Variants in TBL1X observed in about 807,000 individuals in gnomAD.
TBL1X encodes transducin beta like 1 X-linked.
A neutral mutation model predicts 50.7 loss-of-function variants in TBL1X; 10 were observed. The ratio of observed to expected loss-of-function variants is 0.20; its 90% CI spans 0.12 to 0.33. The LOEUF (loss-of-function observed/expected upper bound fraction) is 0.33. Ranked by LOEUF, TBL1X falls within the 10% of genes least tolerant of loss-of-function variation. The pLI, the probability that TBL1X is intolerant of heterozygous loss-of-function variation, is 1.00. For missense variants in TBL1X, 340 were observed against 504.4 expected (o/e 0.67, Z 3.12); for synonymous variants, 190 against 214.7 (o/e 0.88, Z 1.01).
In TBL1X at chrX:9,650,990, T is replaced by C. The variant is rs1446005040; in HGVS notation, c.-42-2555T>C. ...GTAATAATTTTGTGATACATTTATA[T>C]TGGGATTTGTAGCTGCCAGCCTTTT... On this transcript the variant is annotated intron_variant, in intron 3 of 17. Transcript: ENST00000645353. Among the ~76,000 whole-genome samples, 4 of 105,127 alleles carry C rather than the reference T, an allele frequency of 3.8e-5. No individual in the cohort carries two copies. In the East Asian group the frequency reaches 1.2e-3, roughly 32 times the overall value. 91.3% of individuals were successfully genotyped at this position (105,127 alleles called of 115,157 possible). A position where few individuals can be genotyped will look rare whatever the true frequency, so the allele number is the denominator to read the frequency against.
intron 7 of TBL1X, among the ~76,000 whole-genome samples, chrX:9,691,015 G>C (rs1436159083): frequency 1.8e-5 from 2 of 111,950 alleles, no homozygotes; most frequent in Non-Finnish European, 3.8e-5. Flanking sequence ...GAGGCACTGG[G>C]ATTTTAGGTG....
At chrX:9,605,638 G>A (rs1466424250) in intron 2 of TBL1X, among the ~76,000 whole-genome samples, 1 of 112,225 alleles carries the variant, frequency 8.9e-6, no homozygotes, top group Non-Finnish European at 1.9e-5. Context: ...ATTCTCTGGG[G>A]ATTTAGAAAA....
At chrX:9,677,426 G>A (rs1361570383) in intron 5 of TBL1X, among the ~76,000 whole-genome samples, 1 of 108,723 alleles carries the variant, frequency 9.2e-6, no homozygotes, top group Non-Finnish European at 1.9e-5. Context: ...GGTATCCATT[G>A]ATCATAGAGC....
chrX:9,580,780 T>A (rs773190856), intron 2 of TBL1X, among the ~76,000 whole-genome samples: 1 of 111,383 alleles, frequency 9.0e-6, no homozygotes, highest in East Asian at 2.8e-4. Context: ...GTTGAAAGAG[T>A]CATTACCAAT....
At position 9,582,895 on chromosome X, in the gene TBL1X, C is replaced by T. The variant is rs187261188; in HGVS notation, c.-130-57378C>T. On this transcript the variant is annotated intron_variant, in intron 2 of 17. Transcript: ENST00000645353. ...ATCTCCAGCCACTGTTAGCGTGTCA[C>T]GAGCTTGTCTCATCGTCCCCTCACT... Among the ~76,000 whole-genome samples, 10 of 112,524 alleles carry T rather than the reference C, an allele frequency of 8.9e-5. No homozygotes were observed. The East Asian group carries it at 1.9e-3, about 22-fold the overall frequency.
intron 2 of TBL1X, among the ~76,000 whole-genome samples, chrX:9,610,975 CAATAGA>C (rs1569074848): frequency 1.6e-4 from 18 of 111,887 alleles, no homozygotes; most frequent in Middle Eastern, 9.1e-3. Flanking sequence ...CTGCCAAATT[CAATAGA>C]CTGAGCAAAT....
At chrX:9,600,310 C>T (rs2082548601) in intron 2 of TBL1X, among the ~76,000 whole-genome samples, 2 of 109,229 alleles carry the variant, frequency 1.8e-5, no homozygotes, top group South Asian at 8.4e-4. Context: ...GCTGTGTTCT[C>T]ACATGGTGGA....
chrX:9,613,328 C>T (rs112808381), intron 2 of TBL1X, among the ~76,000 whole-genome samples: 79 of 111,479 alleles, frequency 7.1e-4, no homozygotes, highest in African/African-American at 2.2e-3. Context: ...AGCACTCTCC[C>T]GTCCCACCAA....
chrX:9,599,983 T>A (rs2082546354), intron 2 of TBL1X, among the ~76,000 whole-genome samples: 1 of 111,616 alleles, frequency 9.0e-6, no homozygotes, highest in South Asian at 3.8e-4. Context: ...AGCCAGTGAC[T>A]CTCTCCTGTC....
chrX:9,715,030 G>GA, intron 17 of TBL1X, 27 bp downstream of exon 17: 1 of 1,185,505 alleles, frequency 8.4e-7, no homozygotes, highest in South Asian at 1.8e-5. Flanking sequence ...GTTTGCTGGG[G>GA]AGTGGGGTGT....
At chrX:9,502,782 A>G (rs2082007766) in intron 2 of TBL1X, among the ~76,000 whole-genome samples, 2 of 112,573 alleles carry the variant, frequency 1.8e-5, no homozygotes, top group Non-Finnish European at 1.9e-5. Context: ...ACTTTCTGCT[A>G]TGTGAAGACA....
intron 2 of TBL1X, among the ~76,000 whole-genome samples, chrX:9,598,875 C>G (rs2082539183): frequency 9.1e-6 from 1 of 110,133 alleles, no homozygotes; most frequent in Non-Finnish European, 1.9e-5. Flanking sequence ...TGCACATGGC[C>G]TTTTCCCTGT....
intron 2 of TBL1X, among the ~76,000 whole-genome samples, chrX:9,569,631 A>G (rs1390579168): frequency 1.8e-5 from 2 of 111,550 alleles, no homozygotes; most frequent in East Asian, 2.8e-4. Flanking sequence ...GCGCCACTGC[A>G]CTCCAGCCTA....
chrX:9,697,127 A>T (rs1374599554), intron 11 of TBL1X, among the ~76,000 whole-genome samples: 2 of 112,416 alleles, frequency 1.8e-5, no homozygotes, highest in African/African-American at 6.5e-5. Flanking sequence ...ACATGTTGAA[A>T]TGGTAATATT....
chrX:9,661,026 A>G (rs1438124824), intron 5 of TBL1X, among the ~76,000 whole-genome samples: 1 of 111,945 alleles, frequency 8.9e-6, no homozygotes, highest in African/African-American at 3.2e-5. Flanking sequence ...TTCTCACCAG[A>G]CACCCAATCT....
Position 9,616,406 on chromosome X carries a change from GA to G in TBL1X, c.-130-23859del, listed in dbSNP as rs758379428. On this transcript the variant is annotated intron_variant, in intron 2 of 17. Coordinates refer to ENST00000645353, the MANE Select transcript of TBL1X (RefSeq NM_005647.4). ...GTTGAAAAAACAATTTTTTTCTAAAGAAAAAAAACACTCTTTAGTGTACTTT... is the reference window on the plus strand; with the variant it reads ...GTTGAAAAAACAATTTTTTTCTAAAGAAAAAAACACTCTTTAGTGTACTTT... Among the ~76,000 whole-genome samples, 12 of 110,554 alleles carry G rather than the reference GA, an allele frequency of 1.1e-4. No individual in the cohort carries two copies. In the South Asian group the frequency reaches 1.9e-3, roughly 18 times the overall value.
chrX:9,526,821 G>A (rs1187606041), intron 2 of TBL1X, among the ~76,000 whole-genome samples: 4 of 112,208 alleles, frequency 3.6e-5, no homozygotes, highest in Non-Finnish European at 5.6e-5. Context: ...CATGCTCAGA[G>A]GTAGTCGCGT....
chrX:9,488,418 C>T (rs892614603), intron 1 of TBL1X, among the ~76,000 whole-genome samples: 3 of 111,468 alleles, frequency 2.7e-5, no homozygotes, highest in Non-Finnish European at 5.7e-5. Context: ...TGCAGAGGAG[C>T]AGCGTAGCAC....
intron 2 of TBL1X, among the ~76,000 whole-genome samples, chrX:9,504,294 C>T: frequency 8.9e-6 from 1 of 111,824 alleles, no homozygotes; most frequent in Middle Eastern, 4.6e-3. Flanking sequence ...AAAATCTCAT[C>T]CAAGGGTAGC....
Sources: allele counts gnomAD v4.1 joint callset (sites outside exome capture counted in the v4.1 genomes callset), GRCh38; gene constraint gnomAD v4.1.1; transcripts MANE v1.5; gene names NCBI Gene and HGNC (gene_info 2026-07-23, HGNC 2026-07-21).